The following ABR variants were observed in gnomAD, a reference collection of about 807,000 sequenced individuals.
The protein encoded by ABR is ABR activator of RhoGEF and GTPase.
Under a neutral mutation model 107.2 loss-of-function variants are expected in ABR, and 35 were observed. That is an observed-to-expected ratio of 0.33 (90% CI 0.25 to 0.43). ABR has a LOEUF of 0.43. ABR is among the 20% of genes least tolerant of loss of function. The probability of loss-of-function intolerance (pLI) is 1.00; values close to 1 mark genes in which losing one functional copy is unlikely to be tolerated. For synonymous variants in ABR, 498 were observed against 462.0 expected, an observed-to-expected ratio of 1.08 and a Z score of -1.00; for missense variants, 815 against 1,115.2, an observed-to-expected ratio of 0.73 and a Z score of 3.83.
In ABR at chr17:1,092,214, G is replaced by T. The variant is rs987742419; in HGVS notation, c.346-364C>A. On this transcript the variant is annotated intron_variant, in intron 3 of 22. Transcript: ENST00000302538. The surrounding 1 kb of genome is among the most constrained non-coding windows in gnomAD (Gnocchi z 4.6). ...ATAAGCTCCTTGTCACACTTCAGTG[G>T]AAGGGAGGGTTGACAGGGAACTCAA... is the stretch of plus-strand genomic sequence containing the variant. Among the ~76,000 whole-genome samples the T allele has an allele frequency of 6.6e-6, 1 of 152,224 alleles. No individual in the cohort carries two copies. Among genetic ancestry groups the T allele is most frequent in the Admixed American group, 6.5e-5 (1 of 15,292 alleles).
At position 1,071,825 on chromosome 17, in the gene ABR, A is replaced by G. The variant is rs1213938487; in HGVS notation, c.894+789T>C. 6.6e-6 allele frequency among the ~76,000 whole-genome samples: 1 copy of G among 152,236 alleles called. No individual in the cohort carries two copies. The highest frequency in any genetic ancestry group is 2.4e-5 in the African/African-American group (1 of 41,472). On this transcript the variant is annotated intron_variant, in intron 8 of 22. Transcript: ENST00000302538. This position sits in a 1 kb window ranked among gnomAD's most constrained non-coding sequence, Gnocchi z 5.1. ...CCAGACAGTCCCAGGTGAGGAATCC[A>G]GCTCTGACACCAGTGGCTGAAAGAC...
chr17:1,069,133 G>A (rs1567695562), intron 9 of ABR, among the ~76,000 whole-genome samples: 1 of 152,122 alleles, frequency 6.6e-6, no homozygotes, highest in Admixed American at 6.6e-5. Flanking sequence ...CTTATGACAC[G>A]AAACAGAAAC....
chr17:1,077,906 C>G (rs894234887), intron 6 of ABR, among the ~76,000 whole-genome samples: 1 of 152,204 alleles, frequency 6.6e-6, no homozygotes, highest in South Asian at 2.1e-4. Context: ...CACAGGCAGG[C>G]AGGGCACCCC....
rs771115179 is a variant in ABR, at chr17:1,050,227, G to A, written c.1660-46C>T. 9.5e-6 allele frequency: 15 copies of A among 1,583,850 alleles called. No individual in the cohort carries two copies. The highest frequency in any genetic ancestry group is 5.4e-5 in the Admixed American group (3 of 55,738). On this transcript the variant is annotated intron_variant, in intron 15 of 22. Transcript: ENST00000302538. The surrounding 1 kb of genome is among the most constrained non-coding windows in gnomAD (Gnocchi z 4.6). ...GGGCCCTGAACCTCCGAAGCTGGGA[G>A]GCCTGGCTTTCCGGCAGGTGCGTGC...
chr17:1,188,863 C>T (rs914965913), upstream of ABR, among the ~76,000 whole-genome samples: 2 of 152,228 alleles, frequency 1.3e-5, no homozygotes, highest in Non-Finnish European at 2.9e-5. Context: ...AAGCCGGTGC[C>T]TCTGGCTGCC....
upstream of ABR, among the ~76,000 whole-genome samples, chr17:1,187,546 G>A (rs1312652244): frequency 6.6e-6 from 1 of 152,244 alleles, no homozygotes; most frequent in Non-Finnish European, 1.5e-5. Context: ...AAGCCCCCAG[G>A]AGTGACATGG....
chr17:1,122,432 C>T (rs1432206450), intron 2 of ABR, among the ~76,000 whole-genome samples: 4 of 152,196 alleles, frequency 2.6e-5, no homozygotes, highest in Non-Finnish European at 4.4e-5. Context: ...AGGTGGGCCT[C>T]ATCCAATCCA....
chr17:1,113,192 G>A (rs2038798502), intron 2 of ABR, among the ~76,000 whole-genome samples: 2 of 152,050 alleles, frequency 1.3e-5, no homozygotes, highest in Middle Eastern at 3.2e-3. Context: ...GAGGGGCAAG[G>A]CCGTACTGGG....
chr17:1,137,039 CTTCT>C (rs2040100278), intron 1 of ABR, among the ~76,000 whole-genome samples: 1 of 146,854 alleles, frequency 6.8e-6, no homozygotes, highest in Admixed American at 7.0e-5. Context: ...TTCTCTCTTC[CTTCT>C]CTCTCTCCCT....
chr17:1,194,731 G>A (rs1315676237), intron 1 of ABR, among the ~76,000 whole-genome samples: 2 of 123,808 alleles, frequency 1.6e-5, no homozygotes, highest in East Asian at 7.6e-4. Context: ...TCAGCTCACT[G>A]CAACCTCCAC....
intron 1 of ABR, among the ~76,000 whole-genome samples, chr17:1,172,665 CT>C (rs1267715720): frequency 1.0e-3 from 157 of 152,204 alleles, no homozygotes; most frequent in Admixed American, 2.4e-3. Flanking sequence ...AGGAGAATCG[CT>C]TGAACCCAGG....
At chr17:1,217,132 A>G (rs541720539) in intron 1 of ABR, among the ~76,000 whole-genome samples, 4 of 152,234 alleles carry the variant, frequency 2.6e-5, no homozygotes, top group East Asian at 1.9e-4. Flanking sequence ...AATAAAACGG[A>G]AAGGCGCAAT....
intron 2 of ABR, among the ~76,000 whole-genome samples, chr17:1,123,464 C>A (rs1458370463): frequency 1.3e-5 from 2 of 152,204 alleles, no homozygotes; most frequent in Admixed American, 1.3e-4. Flanking sequence ...GTGCGTGACG[C>A]CCGTGATCTG....
chr17:1,139,256 G>A (rs2040198005), intron 1 of ABR, among the ~76,000 whole-genome samples: 1 of 152,060 alleles, frequency 6.6e-6, no homozygotes, highest in South Asian at 2.1e-4. Flanking sequence ...TTGTTCCTTT[G>A]TTTTTTGTTT....
At chr17:1,090,574 G>A (rs1027365023) in intron 4 of ABR, among the ~76,000 whole-genome samples, 1 of 152,194 alleles carries the variant, frequency 6.6e-6, no homozygotes, top group Non-Finnish European at 1.5e-5. Context: ...GAAGCACTCG[G>A]TGAGGTAAAG....
chr17:1,024,381 C>T (rs954794589), intron 16 of ABR, among the ~76,000 whole-genome samples: 5 of 152,246 alleles, frequency 3.3e-5, no homozygotes, highest in Non-Finnish European at 4.4e-5. Flanking sequence ...CAGGACACCG[C>T]GGGTGAGAGC....
rs1033112826 is a variant in ABR, at chr17:1,013,855, A to G, written c.1792-691T>C. On this transcript the variant is annotated intron_variant, in intron 16 of 22. Coordinates refer to ENST00000302538, the MANE Select transcript of ABR (RefSeq NM_021962.5). ...CCCAGGGAGGTGCGGACCCCAGGGG[A>G]GGTCAGAGGCAACCCTCACACAGGA... Among the ~76,000 whole-genome samples the G allele has an allele frequency of 1.6e-4, 25 of 152,228 alleles. No homozygotes were observed. In the East Asian group the frequency reaches 4.8e-3, roughly 29 times the overall value.
At chr17:1,139,229 A>G (rs1160050794) in intron 1 of ABR, among the ~76,000 whole-genome samples, 1 of 152,158 alleles carries the variant, frequency 6.6e-6, no homozygotes, top group Non-Finnish European at 1.5e-5. Context: ...CTAGGCAGAA[A>G]AAAAAAGAGG....
chr17:1,227,324 A>G (rs548254028), intron 1 of ABR, among the ~76,000 whole-genome samples: 10 of 152,286 alleles, frequency 6.6e-5, no homozygotes, highest in Admixed American at 4.6e-4. Flanking sequence ...ACAGGATTGC[A>G]GCCAGCTCTG....
Sources: allele counts gnomAD v4.1 joint callset (sites outside exome capture counted in the v4.1 genomes callset), GRCh38; gene constraint gnomAD v4.1.1; non-coding constraint Gnocchi (gnomAD v3.1); transcripts MANE v1.5; gene names NCBI Gene and HGNC (gene_info 2026-07-23, HGNC 2026-07-21).